Variants in SLMAP observed in about 807,000 individuals in gnomAD.
SLMAP encodes the protein sarcolemma associated protein, also known as sarcolemmal membrane-associated protein.
SLMAP carries 44 observed loss-of-function variants against 128.8 expected under a neutral mutation model. The ratio of observed to expected loss-of-function variants is 0.34; its 90% CI spans 0.27 to 0.44. The LOEUF (loss-of-function observed/expected upper bound fraction) is 0.44. SLMAP is among the 20% of genes least tolerant of loss of function. The pLI is 1.00. For synonymous variants in SLMAP, 327 were observed against 348.8 expected (o/e 0.94, Z 0.70); for missense variants, 787 against 985.3 (o/e 0.80, Z 2.69).
chr3:57,868,795 A>AATATATATATAT (rs3037511), intron 13 of SLMAP, among the ~76,000 whole-genome samples: 12 of 124,690 alleles, frequency 9.6e-5, no homozygotes, highest in Admixed American at 4.7e-4. Context: ...GAACTAATGG[A>AATATATATATAT]ATATATATAT....
At chr3:57,814,510 C>A (rs2091567135) in intron 2 of SLMAP, among the ~76,000 whole-genome samples, 1 of 152,006 alleles carries the variant, frequency 6.6e-6, no homozygotes, top group African/African-American at 2.4e-5. Context: ...TGCAGTAGGA[C>A]CCTGGTTTAG....
rs530586490 is a variant in SLMAP, at chr3:57,783,912, A to G, written c.198+26063A>G. ...TCTCTGTTCCCTGCATTCTGTTGCA[A>G]CACTGCCCTAGCTGTGGCTCAAGTG... On this transcript the variant is annotated intron_variant, in intron 2 of 24. Transcript: ENST00000671191. 1.6e-4 allele frequency among the ~76,000 whole-genome samples: 24 copies of G among 152,224 alleles called. No individual in the cohort carries two copies. In the South Asian group the frequency reaches 3.3e-3, roughly 21 times the overall value.
chr3:57,921,791 C>T (rs1398350931), intron 22 of SLMAP, among the ~76,000 whole-genome samples: 2 of 151,954 alleles, frequency 1.3e-5, no homozygotes, highest in Non-Finnish European at 2.9e-5. Context: ...CTGCAACTTC[C>T]ACCTCCCGGG....
rs1327629120 is a variant in SLMAP at position 57,909,108 on chromosome 3, A to C, written c.1657A>C (p.Asn553His). 6.2e-7 allele frequency: 1 copy of C among 1,612,210 alleles called. No individual in the cohort carries two copies. Among genetic ancestry groups the C allele is most frequent in the African/African-American group, 1.3e-5 (1 of 74,836 alleles). The change falls in exon 19 of 25, where the codon AAT (asparagine) becomes CAT (histidine). Residue 553 changes from asparagine to histidine, a missense_variant. By Grantham distance (68) the Asn-to-His change is moderately conservative. This residue lies in a region of SLMAP where 715 missense variants were observed against 843.6 expected (regional missense o/e 0.85). Transcript: ENST00000671191. ...LLEEERKAYR[N>H]QVEESTKQIQ... ...GGAAGAAGAAAGAAAAGCCTATCGA[A>C]ATCAAGTTGAGGAATCCACTAAACA...
rs1576541597 is a variant in SLMAP at position 57,928,202 on chromosome 3, A to G, written c.*913A>G. On this transcript the variant is annotated 3_prime_UTR_variant, in exon 25 of 25. Transcript: ENST00000671191. ...ATGTAATTTATTAAACCATGTATTT[A>G]AAGAGATATTTTTCTTTAAAAGCCA... 1 of 152,636 alleles carries G rather than the reference A, an allele frequency of 6.6e-6. No individual in the cohort carries two copies. Among genetic ancestry groups the G allele is most frequent in the Admixed American group, 6.5e-5 (1 of 15,272 alleles). The allele number at this position is 152,636 out of a possible 1,614,324, so 9.5% of individuals were successfully genotyped here.
chr3:57,902,213 A>G (rs997864337), intron 17 of SLMAP: 8 of 152,296 alleles, frequency 5.3e-5, no homozygotes, highest in African/African-American at 1.7e-4. Context: ...TATTATAGAT[A>G]TTATTTCTTT....
At chr3:57,804,533 T>TA (rs1388184396) in intron 2 of SLMAP, among the ~76,000 whole-genome samples, 1 of 152,168 alleles carries the variant, frequency 6.6e-6, no homozygotes, top group African/African-American at 2.4e-5. Flanking sequence ...CACTTGAGCC[T>TA]AGGAGTTTGA....
chr3:57,890,718 T>G (rs954339761), intron 15 of SLMAP: 1 of 152,214 alleles, frequency 6.6e-6, no homozygotes, highest in Non-Finnish European at 1.5e-5. Context: ...CTTTTATACA[T>G]AGGGAAATTA....
intron 2 of SLMAP, among the ~76,000 whole-genome samples, chr3:57,758,323 A>G (rs1448224428): frequency 1.3e-5 from 2 of 152,230 alleles, no homozygotes; most frequent in African/African-American, 2.4e-5. Context: ...TAGTAAGGAT[A>G]ATTGCTGATA....
intron 17 of SLMAP, among the ~76,000 whole-genome samples, chr3:57,902,898 T>C (rs146429225): frequency 1.3e-5 from 2 of 152,294 alleles, no homozygotes; most frequent in East Asian, 3.9e-4. Context: ...TTCAAAGCTG[T>C]CCCAATTTTA....
chr3:57,854,444 A>G (rs903131130), intron 6 of SLMAP, among the ~76,000 whole-genome samples: 1 of 151,996 alleles, frequency 6.6e-6, no homozygotes, highest in African/African-American at 2.4e-5. Flanking sequence ...CAAAAAATAC[A>G]AAAATTAGCT....
chr3:57,915,192 C>T (rs1001357872), intron 21 of SLMAP, among the ~76,000 whole-genome samples: 2 of 152,150 alleles, frequency 1.3e-5, no homozygotes, highest in African/African-American at 4.8e-5. Flanking sequence ...TTTAATGATT[C>T]AGGCTAGATC....
At chr3:57,842,248 T>A (rs948986121) in intron 4 of SLMAP, among the ~76,000 whole-genome samples, 3 of 152,208 alleles carry the variant, frequency 2.0e-5, no homozygotes, top group African/African-American at 7.2e-5. Flanking sequence ...ATTTATTTTA[T>A]GCTTGTTAGA....
chr3:57,869,662 T>TATATATATATATA (rs1560338689), intron 13 of SLMAP, among the ~76,000 whole-genome samples: 3 of 113,372 alleles, frequency 2.6e-5, no homozygotes, highest in African/African-American at 6.3e-5. Flanking sequence ...ATATATATAA[T>TATATATATATATA]ATATATAAAC....
chr3:57,855,407 T>C (rs1403611022), intron 6 of SLMAP, among the ~76,000 whole-genome samples: 1 of 151,570 alleles, frequency 6.6e-6, no homozygotes, highest in African/African-American at 2.4e-5. Flanking sequence ...AAGAAAAAGA[T>C]AGAAAATGAT....
chr3:57,831,824 T>C (rs2093354823), intron 3 of SLMAP, among the ~76,000 whole-genome samples: 1 of 152,186 alleles, frequency 6.6e-6, no homozygotes, highest in Non-Finnish European at 1.5e-5. Flanking sequence ...TTATTGATGA[T>C]GAGACTTAAT....
At chr3:57,854,371 G>A (rs1332074438) in intron 6 of SLMAP, among the ~76,000 whole-genome samples, 1 of 151,994 alleles carries the variant, frequency 6.6e-6, no homozygotes, top group East Asian at 1.9e-4. Flanking sequence ...GCCGAGGCAG[G>A]CAGATCACTT....
intron 3 of SLMAP, among the ~76,000 whole-genome samples, chr3:57,832,386 C>G (rs974597571): frequency 6.6e-6 from 1 of 152,138 alleles, no homozygotes; most frequent in Non-Finnish European, 1.5e-5. Context: ...AATTTAATGT[C>G]TCACAATTTT....
chr3:57,766,724 G>C (rs1489020263), intron 2 of SLMAP, among the ~76,000 whole-genome samples: 1 of 151,906 alleles, frequency 6.6e-6, no homozygotes. Flanking sequence ...CTGTATGACA[G>C]TGTTCACTGT....
Sources: gnomAD v4.1 joint callset for allele counts (sites outside exome capture counted in the v4.1 genomes callset) on GRCh38, gnomAD v4.1.1 for gene constraint, gnomAD v4.1.1 regional missense constraint, MANE v1.5 for transcripts, NCBI Gene and HGNC (gene_info 2026-07-23, HGNC 2026-07-21) for gene names.